AVL9: variants seen among roughly 807,000 people sequenced by gnomAD.
AVL9 encodes late secretory pathway protein AVL9 homolog.
Under a neutral mutation model 79.2 loss-of-function variants are expected in AVL9, and 49 were observed. The observed-to-expected ratio is 0.62, with a 90% CI of 0.49 to 0.79. The LOEUF (loss-of-function observed/expected upper bound fraction) is 0.79, where lower values mean the gene tolerates loss of function less well. Among genes scored for constraint, AVL9 ranks in the 30% least tolerant of loss-of-function variants. AVL9 has a pLI of 0.00. For synonymous variants in AVL9, 299 were observed against 280.6 expected, an observed-to-expected ratio of 1.07 and a Z score of -0.65; for missense variants, 682 against 776.8, an observed-to-expected ratio of 0.88 and a Z score of 1.45.
At position 32,543,153 on chromosome 7, in the gene AVL9, T is replaced by TA; in HGVS notation, c.107dup (p.Tyr36Ter). The TA allele has an allele frequency of 1.2e-6, 2 of 1,614,062 alleles. No homozygotes were observed. Among genetic ancestry groups the TA allele is most frequent in the Non-Finnish European group, 1.7e-6 (2 of 1,180,014 alleles). ...HKKGCQVEFSYPPLIPGDGHD... is the reference protein window; with the variant it reads ...HKKGCQVEFS ...CTTACTATTTTAGGTTGAATTCTCT[T>TA]ACCCGCCCCTGATTCCAGGAGATGG... Residue 36 changes from tyrosine to a stop codon, truncating the protein, a stop_gained and frameshift_variant, in exon 2 of 16, where the codon TAC (tyrosine) becomes TAAC (stop). Transcript: ENST00000318709. LOFTEE classifies it high-confidence loss of function.
At chr7:32,570,605 A>G (rs914624846) in intron 11 of AVL9, among the ~76,000 whole-genome samples, 5 of 151,816 alleles carry the variant, frequency 3.3e-5, no homozygotes, top group Admixed American at 6.6e-5. Flanking sequence ...TTGTTATTTT[A>G]CAACTGAAAT....
intron 13 of AVL9, among the ~76,000 whole-genome samples, chr7:32,577,373 A>G (rs1357451977): frequency 3.9e-5 from 6 of 152,240 alleles, no homozygotes; most frequent in East Asian, 1.9e-4. Flanking sequence ...AGAAACCTAT[A>G]TTGCCATTTG....
chr7:32,536,540 T>A (rs1022248135), intron 1 of AVL9: 1 of 152,136 alleles, frequency 6.6e-6, no homozygotes, highest in Non-Finnish European at 1.5e-5. Context: ...TAACATTCTT[T>A]TTTTTTTCAT....
At chr7:32,521,356 G>T (rs1788145092) in intron 1 of AVL9, among the ~76,000 whole-genome samples, 3 of 152,188 alleles carry the variant, frequency 2.0e-5, no homozygotes, top group Non-Finnish European at 4.4e-5. Context: ...TAACGATATG[G>T]ACAGTAAGGT....
chr7:32,503,315 A>G (rs2128112148), intron 1 of AVL9, among the ~76,000 whole-genome samples: 1 of 137,306 alleles, frequency 7.3e-6, no homozygotes, highest in Non-Finnish European at 1.5e-5. Context: ...CATCTCTACT[A>G]AAAGATATAT....
intron 1 of AVL9, among the ~76,000 whole-genome samples, chr7:32,511,328 C>G (rs1390034668): frequency 3.3e-3 from 360 of 109,746 alleles, no homozygotes; most frequent in Middle Eastern, 7.2e-3. Flanking sequence ...GTCAGGTCTG[C>G]TTGTGGGAAT....
At position 32,580,215 on chromosome 7, in the gene AVL9, A is replaced by T. The variant is rs779259355; in HGVS notation, c.1689-4A>T. On this transcript the variant is annotated splice_region_variant and splice_polypyrimidine_tract_variant and intron_variant, in intron 13 of 15. Coordinates refer to ENST00000318709, the MANE Select transcript of AVL9 (RefSeq NM_015060.3). ...GATAGTTTAAACTCAAACTTTTTTT[A>T]CAGCCATCCATTTCAAGGCCAATAC... 15 of 1,609,236 alleles carry T rather than the reference A, an allele frequency of 9.3e-6. No homozygotes were observed. The Admixed American group carries it at 2.5e-4, about 27-fold the overall frequency.
intron 1 of AVL9, among the ~76,000 whole-genome samples, chr7:32,500,048 A>C (rs1583476394): frequency 6.6e-6 from 1 of 152,174 alleles, no homozygotes; most frequent in East Asian, 1.9e-4. Context: ...ATAGTGCTGC[A>C]ATAAACGTGT....
intron 1 of AVL9, chr7:32,534,065 A>G (rs974934356): frequency 6.6e-6 from 1 of 152,234 alleles, no homozygotes; most frequent in African/African-American, 2.4e-5. Flanking sequence ...ACTATGACAA[A>G]GCATGGTAAT....
intron 1 of AVL9, among the ~76,000 whole-genome samples, chr7:32,524,376 A>G (rs981324525): frequency 2.0e-5 from 3 of 152,072 alleles, no homozygotes; most frequent in East Asian, 2.0e-4. Flanking sequence ...TTAGCCTGGC[A>G]TGATGGCAGG....
intron 10 of AVL9, 66 bp downstream of exon 10, chr7:32,559,530 T>C (rs1790241460): frequency 6.7e-7 from 1 of 1,483,142 alleles, no homozygotes; most frequent in Admixed American, 2.4e-5. Flanking sequence ...AGTTTAACTT[T>C]TGAACTTTTG....
rs971275538 is a variant in AVL9, at chr7:32,573,316, G to A, written c.1468G>A (p.Asp490Asn). 3 of 1,613,882 alleles carry A rather than the reference G, an allele frequency of 1.9e-6. No individual in the cohort carries two copies. The highest frequency in any genetic ancestry group is 2.5e-6 in the Non-Finnish European group (3 of 1,179,984). The change falls in exon 12 of 16, where the codon GAC becomes AAC. Residue 490 changes from aspartate to asparagine, a missense_variant. Coordinates refer to ENST00000318709, the MANE Select transcript of AVL9 (RefSeq NM_015060.3). ...GAGGCACGTGACTGAGAATCGGGAT[G>A]ACGTCTTCCTAGATGGCACGGGCTG... The part of the protein sequence containing the change: ...LVRHVTENRD[D>N]VFLDGTGWEG...
At chr7:32,547,178 T>C (rs62467615) in intron 3 of AVL9, among the ~76,000 whole-genome samples, 28,545 of 152,166 alleles carry the variant, frequency 0.19, 2,968 homozygotes, top group South Asian at 0.31. Flanking sequence ...TCTTTGTCAT[T>C]GGTCAGGCCA....
At chr7:32,577,174 A>T (rs1026651975) in intron 13 of AVL9, among the ~76,000 whole-genome samples, 7 of 152,178 alleles carry the variant, frequency 4.6e-5, no homozygotes, top group Non-Finnish European at 8.8e-5. Context: ...ATCTACTAAA[A>T]ATACAAAAAA....
At chr7:32,547,665 G>T (rs1789584107) in intron 3 of AVL9, among the ~76,000 whole-genome samples, 1 of 152,158 alleles carries the variant, frequency 6.6e-6, no homozygotes, top group Non-Finnish European at 1.5e-5. Flanking sequence ...CTTCTCAATA[G>T]ATAATAGGCA....
chr7:32,562,612 A>G (rs73303576), intron 10 of AVL9: 78,667 of 982,146 alleles, frequency 0.08, 3,363 homozygotes, highest in Non-Finnish European at 0.087. Context: ...GAAGCAGTCA[A>G]CTTCACTGGG....
At chr7:32,550,339 A>G (rs957142125) in intron 4 of AVL9, among the ~76,000 whole-genome samples, 4 of 152,208 alleles carry the variant, frequency 2.6e-5, no homozygotes, top group Non-Finnish European at 4.4e-5. Flanking sequence ...TAATTCTCAC[A>G]GACATGTAAC....
rs1185553909 is a variant in AVL9, at chr7:32,503,373, T to TAC, written c.93+7603_93+7604dup. ...ATAGATATAGAGAGATATATATATATACACACACACACACACACACACACA... is the reference window on the plus strand; with the variant it reads ...ATAGATATAGAGAGATATATATATATACACACACACACACACACACACACACA... On this transcript the variant is annotated intron_variant, in intron 1 of 15. Coordinates refer to ENST00000318709, the MANE Select transcript of AVL9 (RefSeq NM_015060.3). Among the ~76,000 whole-genome samples, 144 of 105,814 alleles carry TAC rather than the reference T, an allele frequency of 1.4e-3. 1 individual carries two copies. Among genetic ancestry groups the TAC allele is most frequent in the African/African-American group, 4.5e-3 (126 of 28,242 alleles). 69.4% of individuals were successfully genotyped at this position (105,814 alleles called of 152,430 possible).
In AVL9 at chr7:32,543,244, C is replaced by T. The variant is rs1789301021; in HGVS notation, c.197C>T (p.Ala66Val). Residue 66 changes from alanine to valine, a missense_variant, in exon 2 of 16, where the codon GCA (alanine) becomes GTA (valine). Ala to Val is a moderately conservative substitution (Grantham distance 64, BLOSUM62 0). Coordinates refer to ENST00000318709, the MANE Select transcript of AVL9 (RefSeq NM_015060.3). The part of the protein sequence containing the change: ...YLPFLALPDG[A>V]HNYQEDTVFF... ...CCCTTCCTTGCCTTACCAGATGGCG[C>T]ACACAACTACCAGGAAGGTATGTAA... 6.2e-7 allele frequency: 1 copy of T among 1,614,068 alleles called. No homozygotes were observed.
Sources: gnomAD v4.1 joint callset for allele counts (sites outside exome capture counted in the v4.1 genomes callset) on GRCh38, gnomAD v4.1.1 for gene constraint, MANE v1.5 for transcripts, NCBI Gene and HGNC (gene_info 2026-07-23, HGNC 2026-07-21) for gene names.